Variants in SCN2B observed in about 807,000 individuals in gnomAD.
SCN2B encodes sodium channel regulatory subunit beta-2.
A neutral mutation model predicts 18.2 loss-of-function variants in SCN2B; 14 were observed. That is an observed-to-expected ratio of 0.77 (90% CI 0.51 to 1.21). The LOEUF (loss-of-function observed/expected upper bound fraction) is 1.21, where lower values mean the gene tolerates loss of function less well. SCN2B is among the 50% of genes most tolerant of loss of function. SCN2B has a pLI of 0.00. For synonymous variants in SCN2B, 115 were observed against 115.3 expected (o/e 1.00, Z 0.02); for missense variants, 262 against 286.9 (o/e 0.91, Z 0.63).
intron 1 of SCN2B, among the ~76,000 whole-genome samples, chr11:118,173,968 G>A (rs1486030477): frequency 1.3e-5 from 2 of 151,824 alleles, no homozygotes; most frequent in Non-Finnish European, 2.9e-5. Flanking sequence ...TGCTGCCCAC[G>A]CTGGAGTGCA....
Position 118,168,775 on chromosome 11 carries a change from TGA to T in SCN2B, c.71-26_71-25del. The T allele has an allele frequency of 1.2e-6, 2 of 1,613,700 alleles. No homozygotes were observed. The highest frequency in any genetic ancestry group is 1.7e-6 in the Non-Finnish European group (2 of 1,179,974). On this transcript the variant is annotated intron_variant, in intron 1 of 3. Transcript: ENST00000278947. This position sits in a 1 kb window ranked among gnomAD's most constrained non-coding sequence, Gnocchi z 4.7. ...CACTGCAGATGAAGCCACAAGCTGGTGAGGAGTCTGGCTGAAAGGGCTGGGGA... is the reference window on the plus strand; with the variant it reads ...CACTGCAGATGAAGCCACAAGCTGGTGGAGTCTGGCTGAAAGGGCTGGGGA...
In SCN2B at chr11:118,166,663, C is replaced by T. The variant is rs901666858; in HGVS notation, c.*224G>A. ...AGGTGGGAGCCCTTTCTCTCCTCTC[C>T]CCAGGGCCCACACGTCCCAGAGCAT... On this transcript the variant is annotated 3_prime_UTR_variant, in exon 4 of 4. Coordinates refer to ENST00000278947, the MANE Select transcript of SCN2B (RefSeq NM_004588.5). The T allele has an allele frequency of 5.0e-6, 3 of 600,184 alleles. No individual in the cohort carries two copies. The African/African-American group carries it at 5.5e-5, about 11-fold the overall frequency. 37.2% of individuals were successfully genotyped at this position (600,184 alleles called of 1,614,324 possible).
At chr11:118,170,252 G>A (rs1470938923) in intron 1 of SCN2B, among the ~76,000 whole-genome samples, 1 of 152,198 alleles carries the variant, frequency 6.6e-6, no homozygotes, top group Non-Finnish European at 1.5e-5. Context: ...GCAAGGTAGA[G>A]GGGCATTGTC....
rs1948384448 is a variant in SCN2B, at chr11:118,166,632, A to C, written c.*255T>G. 1 of 529,728 alleles carries C rather than the reference A, an allele frequency of 1.9e-6. No homozygotes were observed. The highest frequency in any genetic ancestry group is 3.4e-6 in the Non-Finnish European group (1 of 292,236). The allele number at this position is 529,728 out of a possible 1,614,324, so 32.8% of individuals were successfully genotyped here. A position where few individuals can be genotyped will look rare whatever the true frequency, so the allele number is the denominator to read the frequency against. ...ATGTGCCTCCTGCCTCCCCCCAGGG[A>C]CTGGCAGGTGGGAGCCCTTTCTCTC... is the stretch of plus-strand genomic sequence containing the variant. On this transcript the variant is annotated 3_prime_UTR_variant, in exon 4 of 4. Coordinates refer to ENST00000278947, the MANE Select transcript of SCN2B (RefSeq NM_004588.5).
In SCN2B at chr11:118,174,996, T is replaced by C. The variant is rs1039101313; in HGVS notation, c.70+1366A>G. 5.3e-5 allele frequency among the ~76,000 whole-genome samples: 8 copies of C among 152,212 alleles called. No homozygotes were observed. In the South Asian group the frequency reaches 6.2e-4, roughly 12 times the overall value. On this transcript the variant is annotated intron_variant, in intron 1 of 3. Coordinates refer to ENST00000278947, the MANE Select transcript of SCN2B (RefSeq NM_004588.5). Reference sequence around the variant, plus strand: ...GAGTGGAATCCAACGTTTAAGAGAATGTGCTGAAGTCAGACACAGGGAGTT... The same window carrying C: ...GAGTGGAATCCAACGTTTAAGAGAACGTGCTGAAGTCAGACACAGGGAGTT...
rs1948355199 is a variant in SCN2B at position 118,164,000 on chromosome 11, AG to A, written c.*2886del. 6.6e-6 allele frequency: 1 copy of A among 152,122 alleles called. No individual in the cohort carries two copies. 9.4% of individuals were successfully genotyped at this position (152,122 alleles called of 1,614,324 possible). ...TATGAGGGCTGAGCACCTGGGACAG[AG>A]ATGGTTCCTGACCCAGCCCCATCTG... On this transcript the variant is annotated 3_prime_UTR_variant, in exon 4 of 4. Transcript: ENST00000278947.
At position 118,165,156 on chromosome 11, in the gene SCN2B, C is replaced by T. The variant is rs1333705925; in HGVS notation, c.*1731G>A. The T allele has an allele frequency of 1.3e-5, 2 of 152,494 alleles. No individual in the cohort carries two copies. 9.4% of individuals were successfully genotyped at this position (152,494 alleles called of 1,614,324 possible). A position where few individuals can be genotyped will look rare whatever the true frequency, so the allele number is the denominator to read the frequency against. On this transcript the variant is annotated 3_prime_UTR_variant, in exon 4 of 4. Transcript: ENST00000278947. ...CTGGGAGGGGGCAGGGCTAGAGAAGCCCACCCCTCCAACTCGCCCCATCAT... is the reference window on the plus strand; with the variant it reads ...CTGGGAGGGGGCAGGGCTAGAGAAGTCCACCCCTCCAACTCGCCCCATCAT...
At chr11:118,172,556 C>CA (rs1948437781) in intron 1 of SCN2B, among the ~76,000 whole-genome samples, 1 of 152,238 alleles carries the variant, frequency 6.6e-6, no homozygotes, top group Non-Finnish European at 1.5e-5. Context: ...AACCTCCATA[C>CA]AAGGGGGGCC....
At chr11:118,175,862 C>A (rs990569312) in intron 1 of SCN2B, among the ~76,000 whole-genome samples, 18 of 152,290 alleles carry the variant, frequency 1.2e-4, no homozygotes, top group Admixed American at 9.8e-4. Context: ...CACGTTCCAA[C>A]AGATCAGTGA....
Position 118,166,493 on chromosome 11 carries a change from C to T in SCN2B, c.*394G>A. The T allele has an allele frequency of 3.2e-6, 1 of 313,096 alleles. No individual in the cohort carries two copies. The highest frequency in any genetic ancestry group is 6.2e-6 in the Non-Finnish European group (1 of 161,036). 19.4% of individuals were successfully genotyped at this position (313,096 alleles called of 1,614,324 possible). A position where few individuals can be genotyped will look rare whatever the true frequency, so the allele number is the denominator to read the frequency against. On this transcript the variant is annotated 3_prime_UTR_variant, in exon 4 of 4. Transcript: ENST00000278947. ...AGCGCTGTCAGCACAGGAAAGCCCTCCCTCCCCACCAGGTCCTCTCTGAAG... is the reference window on the plus strand; with the variant it reads ...AGCGCTGTCAGCACAGGAAAGCCCTTCCTCCCCACCAGGTCCTCTCTGAAG...
chr11:118,176,012 C>A (rs1239790635), intron 1 of SCN2B, among the ~76,000 whole-genome samples: 1 of 152,176 alleles, frequency 6.6e-6, no homozygotes, highest in African/African-American at 2.4e-5. Context: ...CAGGACCCCG[C>A]ATTTGCAGCA....
At chr11:118,172,104 C>T (rs1948435181) in intron 1 of SCN2B, among the ~76,000 whole-genome samples, 1 of 152,198 alleles carries the variant, frequency 6.6e-6, no homozygotes, top group African/African-American at 2.4e-5. Flanking sequence ...GGGACCATGG[C>T]TCAACAAGGT....
chr11:118,175,267 T>C (rs1948460460), intron 1 of SCN2B, among the ~76,000 whole-genome samples: 1 of 152,246 alleles, frequency 6.6e-6, no homozygotes, highest in Non-Finnish European at 1.5e-5. Flanking sequence ...AACTTGCCTG[T>C]GATCATTACG....
In SCN2B at chr11:118,165,514, A is replaced by G. The variant is rs1591443476; in HGVS notation, c.*1373T>C. The G allele has an allele frequency of 8.4e-6, 1 of 119,432 alleles. No individual in the cohort carries two copies. Among genetic ancestry groups the G allele is most frequent in the Non-Finnish European group, 1.6e-5 (1 of 62,878 alleles). 7.4% of individuals were successfully genotyped at this position (119,432 alleles called of 1,614,324 possible). A position where few individuals can be genotyped will look rare whatever the true frequency, so the allele number is the denominator to read the frequency against. On this transcript the variant is annotated 3_prime_UTR_variant, in exon 4 of 4. Coordinates refer to ENST00000278947, the MANE Select transcript of SCN2B (RefSeq NM_004588.5). ...GAGATGGAGTCTCTCTATGTCACCC[A>G]GGCTGAATTGCAGTGGCACTATCAC... is the stretch of plus-strand genomic sequence containing the variant.
At chr11:118,173,040 C>G (rs78804594) in intron 1 of SCN2B, among the ~76,000 whole-genome samples, 2 of 152,084 alleles carry the variant, frequency 1.3e-5, no homozygotes, top group Non-Finnish European at 2.9e-5. Flanking sequence ...CCTCCCCAAC[C>G]CCGGCCACTC....
Position 118,176,544 on chromosome 11 carries a change from CAA to C in SCN2B, c.-115_-114del, listed in dbSNP as rs1232592459. On this transcript the variant is annotated 5_prime_UTR_variant, in exon 1 of 4. It introduces an in-frame stop codon into an upstream open reading frame of the 5' UTR. Coordinates refer to ENST00000278947, the MANE Select transcript of SCN2B (RefSeq NM_004588.5). ...TAAAAAAAAATGCACGGATGTACTT[CAA>C]AGACATATACAACATTAAGGAAGCT... 1.3e-6 allele frequency: 1 copy of C among 774,712 alleles called. No homozygotes were observed. The highest frequency in any genetic ancestry group is 2.3e-6 in the Non-Finnish European group (1 of 430,932). 48.0% of individuals were successfully genotyped at this position (774,712 alleles called of 1,614,324 possible).
rs1052467646 is a variant in SCN2B at position 118,166,891 on chromosome 11, T to A, written c.644A>T (p.Lys215Met). The stretch of plus-strand genomic sequence containing the variant: ...GGCTGCAGGGCCGGCCACCCACTAC[T>A]TGGCGCCATCATCCGGGTTGCCTTC... ...DGEGNPDDGA[K>M] Residue 215 changes from lysine to methionine, a missense_variant, in exon 4 of 4, where the codon AAG becomes ATG. By Grantham distance (95) the Lys-to-Met change is moderately conservative. Transcript: ENST00000278947. 9.3e-6 allele frequency: 15 copies of A among 1,613,844 alleles called. No individual in the cohort carries two copies. The Middle Eastern group carries it at 4.9e-4, about 53-fold the overall frequency.
At position 118,168,468 on chromosome 11, in the gene SCN2B, C is replaced by A; in HGVS notation, c.237+117G>T. 7.0e-7 allele frequency: 1 copy of A among 1,434,718 alleles called. No homozygotes were observed. The highest frequency in any genetic ancestry group is 9.8e-7 in the Non-Finnish European group (1 of 1,019,128). The allele number at this position is 1,434,718 out of a possible 1,614,324, so 88.9% of individuals were successfully genotyped here. On this transcript the variant is annotated intron_variant, in intron 2 of 3. Coordinates refer to ENST00000278947, the MANE Select transcript of SCN2B (RefSeq NM_004588.5). The surrounding 1 kb of genome is among the most constrained non-coding windows in gnomAD (Gnocchi z 4.7). The stretch of plus-strand genomic sequence containing the variant: ...TTTCAAGAGCCTCCAGAGCACGCAG[C>A]CCACCCAGGGTCCTCTGGGGCCCTA...
intron 3 of SCN2B, 58 bp from the exon 4 acceptor site, chr11:118,167,144 C>A: frequency 6.5e-7 from 1 of 1,545,778 alleles, no homozygotes; most frequent in Admixed American, 1.7e-5. Context: ...TCCCCCATCA[C>A]CCCACTACCC....
Sources: gnomAD v4.1 joint callset for allele counts (sites outside exome capture counted in the v4.1 genomes callset) on GRCh38, gnomAD v4.1.1 for gene constraint, Gnocchi (gnomAD v3.1) non-coding constraint, MANE v1.5 for transcripts, NCBI Gene and HGNC (gene_info 2026-07-23, HGNC 2026-07-21) for gene names.